The following HDAC7 variants were observed in gnomAD, a reference collection of about 807,000 sequenced individuals.
HDAC7 encodes histone deacetylase 7A.
HDAC7 carries 26 observed loss-of-function variants against 115.5 expected under a neutral mutation model. The ratio of observed to expected loss-of-function variants is 0.23; its 90% CI spans 0.16 to 0.31. The LOEUF (loss-of-function observed/expected upper bound fraction) is 0.31, where lower values mean the gene tolerates loss of function less well. Among genes scored for constraint, HDAC7 ranks in the 10% least tolerant of loss-of-function variants. HDAC7 has a pLI of 1.00. For missense variants in HDAC7, 1,068 were observed against 1,329.0 expected (o/e 0.80, Z 3.05); for synonymous variants, 564 against 550.9 (o/e 1.02, Z -0.33).
In HDAC7 at chr12:47,783,464, G is replaced by T. The variant is rs1191626412; in HGVS notation, c.*377C>A. The T allele has an allele frequency of 1.5e-5, 4 of 267,608 alleles. No individual in the cohort carries two copies. Among genetic ancestry groups the T allele is most frequent in the Non-Finnish European group, 7.4e-6 (1 of 134,388 alleles). The allele number at this position is 267,608 out of a possible 1,614,324, so 16.6% of individuals were successfully genotyped here. ...TTCTGTGTGGAGCCTGAGGCTGTGTGCAAAGTCTGGGGTTTGCAGAGCCAG... is the reference window on the plus strand; with the variant it reads ...TTCTGTGTGGAGCCTGAGGCTGTGTTCAAAGTCTGGGGTTTGCAGAGCCAG... On this transcript the variant is annotated 3_prime_UTR_variant, in exon 26 of 26. Coordinates refer to ENST00000080059, the MANE Select transcript of HDAC7 (RefSeq NM_015401.5).
rs780927581 is a variant in HDAC7 at position 47,803,159 on chromosome 12, T to C, written c.20-885A>G. On this transcript the variant is annotated intron_variant, in intron 1 of 25. Transcript: ENST00000080059. The surrounding 1 kb of genome is among the most constrained non-coding windows in gnomAD (Gnocchi z 4.0). ...GGTTGGAGAAGACAGAGATGAGTCC[T>C]GAGGCCACCTGTCCAGGACAGACAC... is the stretch of plus-strand genomic sequence containing the variant. 6.6e-6 allele frequency among the ~76,000 whole-genome samples: 1 copy of C among 152,138 alleles called. No individual in the cohort carries two copies. Among genetic ancestry groups the C allele is most frequent in the Non-Finnish European group, 1.5e-5 (1 of 68,018 alleles).
Position 47,795,496 on chromosome 12 carries a change from G to C in HDAC7, c.1087+91C>G. On this transcript the variant is annotated intron_variant, in intron 10 of 25. Coordinates refer to ENST00000080059, the MANE Select transcript of HDAC7 (RefSeq NM_015401.5). The surrounding 1 kb of genome is among the most constrained non-coding windows in gnomAD (Gnocchi z 4.3). ...GGGCAATGCGCAGGACAGGGGGACA[G>C]AGATGGGGAGGAAGGATGGGTCCAT... 7.7e-6 allele frequency: 11 copies of C among 1,429,094 alleles called. No homozygotes were observed. The South Asian group carries it at 1.4e-4, about 18-fold the overall frequency. 88.5% of individuals were successfully genotyped at this position (1,429,094 alleles called of 1,614,324 possible).
At chr12:47,815,680 C>T (rs1411399256) in intron 1 of HDAC7, among the ~76,000 whole-genome samples, 3 of 152,070 alleles carry the variant, frequency 2.0e-5, no homozygotes, top group African/African-American at 4.8e-5. Flanking sequence ...GGCGCAATCT[C>T]GGCTCACTGC....
In HDAC7 at chr12:47,794,887, G is replaced by A. The variant is rs140966203; in HGVS notation, c.1331C>T (p.Ser444Leu). ...GCCATCTGTCTCCAGGTCTTCAGCC[G>A]AGGGTATCTGCCGCAGCCGGGGCTT... is the stretch of plus-strand genomic sequence containing the variant. Reference protein sequence around the residue: ...SEKPRLRQIPSAEDLETDGGG... With the variant: ...SEKPRLRQIPLAEDLETDGGG... Residue 444 changes from serine to leucine, a missense_variant, in exon 12 of 26, where the codon TCG becomes TTG. Ser to Leu is a moderately radical substitution (Grantham distance 145, BLOSUM62 -2). This residue lies in a region of HDAC7 where 618 missense variants were observed against 701.5 expected (regional missense o/e 0.88). Transcript: ENST00000080059. The A allele has an allele frequency of 1.1e-5, 18 of 1,613,278 alleles. No individual in the cohort carries two copies. The African/African-American group carries it at 1.6e-4, about 14-fold the overall frequency.
chr12:47,801,395 A>G (rs1944158166), intron 2 of HDAC7, among the ~76,000 whole-genome samples: 1 of 152,278 alleles, frequency 6.6e-6, no homozygotes, highest in Admixed American at 6.5e-5. Flanking sequence ...GACAGAACTC[A>G]TTAATGATTC....
chr12:47,798,347 C>T lies in HDAC7; in HGVS notation c.350-128G>A. On this transcript the variant is annotated intron_variant, in intron 4 of 25. Transcript: ENST00000080059. The surrounding 1 kb of genome is among the most constrained non-coding windows in gnomAD (Gnocchi z 4.3). ...AGGGACTCCCTAGGCAAGAGCCAAG[C>T]CCGAGGCCCTACCCCTCCCTAGAGC... 1 of 853,140 alleles carries T rather than the reference C, an allele frequency of 1.2e-6. No individual in the cohort carries two copies. 52.8% of individuals were successfully genotyped at this position (853,140 alleles called of 1,614,324 possible). A position where few individuals can be genotyped will look rare whatever the true frequency, so the allele number is the denominator to read the frequency against.
intron 2 of HDAC7, among the ~76,000 whole-genome samples, chr12:47,799,560 C>G (rs1229513660): frequency 6.6e-6 from 1 of 152,240 alleles, no homozygotes; most frequent in Non-Finnish European, 1.5e-5. Flanking sequence ...TGACCGGCCA[C>G]GTTGGGCCTG....
chr12:47,798,730 G>C lies in HDAC7; in HGVS notation c.258+55C>G. ...TGGTGTCTAGGGATGCTGAAGGCGG[G>C]GAGGCTGGGGACCAAGCTCAAGGTG... is the stretch of plus-strand genomic sequence containing the variant. On this transcript the variant is annotated intron_variant, in intron 3 of 25. Transcript: ENST00000080059. The surrounding 1 kb of genome is among the most constrained non-coding windows in gnomAD (Gnocchi z 4.3). The C allele has an allele frequency of 6.4e-7, 1 of 1,558,452 alleles. No homozygotes were observed.
intron 1 of HDAC7, among the ~76,000 whole-genome samples, chr12:47,806,592 G>A (rs150567059): frequency 0.017 from 2,612 of 152,260 alleles, 82 homozygotes; most frequent in African/African-American, 0.059. Flanking sequence ...GGGAGGCTGA[G>A]GCACAAGAAT....
intron 1 of HDAC7, among the ~76,000 whole-genome samples, chr12:47,816,909 C>G (rs111482748): frequency 1.3e-5 from 2 of 152,218 alleles, no homozygotes; most frequent in Admixed American, 1.3e-4. Flanking sequence ...CCCCAGCCCG[C>G]GAGTCCATGC....
At position 47,789,887 on chromosome 12, in the gene HDAC7, A is replaced by T; in HGVS notation, c.2017T>A (p.Ser673Thr). 6.2e-7 allele frequency: 1 copy of T among 1,613,804 alleles called. No homozygotes were observed. ...DTDTIWNELH[S>T]SNAARWAAGS... ...GCGGCCCAGCGGGCTGCATTGGAGG[A>T]ATGAAGCTCATTCCAGATGGTGTCA... is the stretch of plus-strand genomic sequence containing the variant. Residue 673 changes from serine to threonine, a missense_variant, in exon 17 of 26, where the codon TCC (serine) becomes ACC (threonine). Ser to Thr is a moderately conservative substitution (Grantham distance 58, BLOSUM62 1). Transcript: ENST00000080059.
intron 17 of HDAC7, 51 bp downstream of exon 17, chr12:47,789,762 C>T (rs769837416): frequency 1.4e-6 from 2 of 1,459,060 alleles, no homozygotes; most frequent in Non-Finnish European, 1.9e-6. Flanking sequence ...CCCACTACCC[C>T]ACTCTGCTTC....
intron 19 of HDAC7, chr12:47,788,902 G>A (rs996968487): frequency 3.4e-5 from 7 of 208,626 alleles, no homozygotes; most frequent in Non-Finnish European, 6.7e-5. Context: ...GTGTCTGGAT[G>A]TGATTAGTGG....
At chr12:47,789,973 A>G in intron 16 of HDAC7, 53 bp from the exon 17 acceptor site, 2 of 1,364,842 alleles carry the variant, frequency 1.5e-6, no homozygotes, top group East Asian at 4.6e-5. Context: ...CACAGGAGCC[A>G]GGGCCCAAGG....
Position 47,819,757 on chromosome 12 carries a change from C to T in HDAC7, c.19+10G>A, listed in dbSNP as rs1944969480. 3 of 857,624 alleles carry T rather than the reference C, an allele frequency of 3.5e-6. No individual in the cohort carries two copies. Among genetic ancestry groups the T allele is most frequent in the Admixed American group, 5.9e-5 (1 of 16,852 alleles). The allele number at this position is 857,624 out of a possible 1,614,324, so 53.1% of individuals were successfully genotyped here. A position where few individuals can be genotyped will look rare whatever the true frequency, so the allele number is the denominator to read the frequency against. Reference sequence around the variant, plus strand: ...CAGGGCGGGGCGGGGGGCGGCCGCCCAGTACTCACCAGCGCCGGGGCTGTG... The same window carrying T: ...CAGGGCGGGGCGGGGGGCGGCCGCCTAGTACTCACCAGCGCCGGGGCTGTG... On this transcript the variant is annotated intron_variant, in intron 1 of 25. Transcript: ENST00000080059.
At chr12:47,785,170 G>C (rs1246254761) in intron 24 of HDAC7, 3 of 561,210 alleles carry the variant, frequency 5.3e-6, no homozygotes, top group Non-Finnish European at 9.4e-6. Context: ...GCCACTGTCT[G>C]GTAGGCCCTG....
At position 47,795,544 on chromosome 12, in the gene HDAC7, G is replaced by A; in HGVS notation, c.1087+43C>T. The A allele has an allele frequency of 6.5e-7, 1 of 1,536,462 alleles. No homozygotes were observed. The highest frequency in any genetic ancestry group is 1.2e-5 in the South Asian group (1 of 83,752). On this transcript the variant is annotated intron_variant, in intron 10 of 25. Coordinates refer to ENST00000080059, the MANE Select transcript of HDAC7 (RefSeq NM_015401.5). The surrounding 1 kb of genome is among the most constrained non-coding windows in gnomAD (Gnocchi z 4.3). ...CATCCCAAGCTTGGCTCTTAGCAGG[G>A]TGCAGGGACCCAGCCCCTTCCCTGA...
Position 47,795,038 on chromosome 12 carries a change from C to T in HDAC7, c.1285-105G>A. On this transcript the variant is annotated intron_variant, in intron 11 of 25. Coordinates refer to ENST00000080059, the MANE Select transcript of HDAC7 (RefSeq NM_015401.5). This position sits in a 1 kb window ranked among gnomAD's most constrained non-coding sequence, Gnocchi z 4.3. ...GCCAGTCATCTTGCTAGGACTCCAG[C>T]TGCCATGCAGCTCTGGGCCCCAAGA... The T allele has an allele frequency of 7.3e-7, 1 of 1,361,482 alleles. No individual in the cohort carries two copies. Among genetic ancestry groups the T allele is most frequent in the Non-Finnish European group, 1.0e-6 (1 of 981,876 alleles). The allele number at this position is 1,361,482 out of a possible 1,614,324, so 84.3% of individuals were successfully genotyped here. A position where few individuals can be genotyped will look rare whatever the true frequency, so the allele number is the denominator to read the frequency against.
Position 47,798,118 on chromosome 12 carries a change from T to C in HDAC7, c.451A>G (p.Ile151Val), listed in dbSNP as rs770656217. The change falls in exon 5 of 26, where the codon ATT (isoleucine) becomes GTT (valine). Residue 151 changes from isoleucine (I) to valine (V), a missense_variant. Ile to Val is a conservative substitution (Grantham distance 29, BLOSUM62 3). Coordinates refer to ENST00000080059, the MANE Select transcript of HDAC7 (RefSeq NM_015401.5). The surrounding 1 kb of genome is among the most constrained non-coding windows in gnomAD (Gnocchi z 4.3). ...TGAGGAGGGTGTTACCTGTAGGGAA[T>C]GCCGGGGCTGTTGGGATGGACTGTT... ...ERTVHPNSPG[I>V]PYRTLEPLET... 6.2e-6 allele frequency: 10 copies of C among 1,613,022 alleles called. 1 individual carries two copies. The South Asian group carries it at 1.1e-4, about 18-fold the overall frequency.
Sources: gnomAD v4.1 joint callset for allele counts (sites outside exome capture counted in the v4.1 genomes callset) on GRCh38, gnomAD v4.1.1 for gene constraint, gnomAD v4.1.1 regional missense constraint, Gnocchi (gnomAD v3.1) non-coding constraint, MANE v1.5 for transcripts, NCBI Gene and HGNC (gene_info 2026-07-23, HGNC 2026-07-21) for gene names.